Variants in ANKS1B observed in about 807,000 individuals in gnomAD.
ANKS1B encodes the protein ankyrin repeat and sterile alpha motif domain containing 1B, also known as ankyrin repeat and sterile alpha motif domain-containing protein 1B.
A neutral mutation model predicts 148.3 loss-of-function variants in ANKS1B; 36 were observed. The observed-to-expected ratio is 0.24, with a 90% CI of 0.19 to 0.32. The LOEUF (loss-of-function observed/expected upper bound fraction) is 0.32. Ranked by LOEUF, ANKS1B falls within the 10% of genes least tolerant of loss-of-function variation. The probability of loss-of-function intolerance (pLI) is 1.00; values close to 1 mark genes in which losing one functional copy is unlikely to be tolerated. For synonymous variants in ANKS1B, 542 were observed against 560.8 expected, an observed-to-expected ratio of 0.97 and a Z score of 0.47; for missense variants, 1,157 against 1,542.6, an observed-to-expected ratio of 0.75 and a Z score of 4.19.
At chr12:99,784,599 G>A (rs1472499099) in intron 4 of ANKS1B, among the ~76,000 whole-genome samples, 1 of 152,118 alleles carries the variant, frequency 6.6e-6, no homozygotes, top group Admixed American at 6.5e-5. Flanking sequence ...CCTACCACTA[G>A]TTAATTTTCA....
chr12:99,198,840 T>C (rs1404324316), intron 14 of ANKS1B, among the ~76,000 whole-genome samples: 1 of 152,144 alleles, frequency 6.6e-6, no homozygotes, highest in Non-Finnish European at 1.5e-5. Flanking sequence ...ACTGAATAGG[T>C]CTAACCTGTG....
chr12:98,800,690 A>ATATACATATATATATATATATATATG, intron 21 of ANKS1B, among the ~76,000 whole-genome samples: 1 of 137,918 alleles, frequency 7.3e-6, no homozygotes, highest in Non-Finnish European at 1.7e-5. Context: ...ATATATATAT[A>ATATACATATATATATATATATATATG]TGCCATATTT....
chr12:98,860,761 T>C (rs1462884417), intron 17 of ANKS1B, among the ~76,000 whole-genome samples: 4 of 152,136 alleles, frequency 2.6e-5, no homozygotes, highest in African/African-American at 4.8e-5. Context: ...AAACAGCTAA[T>C]GCATGTTGGG....
At chr12:99,644,786 A>G (rs1393535297) in intron 9 of ANKS1B, among the ~76,000 whole-genome samples, 1 of 152,216 alleles carries the variant, frequency 6.6e-6, no homozygotes, top group African/African-American at 2.4e-5. Context: ...TCTCTGGGCT[A>G]AAGTTAAGGT....
At chr12:99,551,151 A>G (rs2097213871) in intron 9 of ANKS1B, among the ~76,000 whole-genome samples, 3 of 152,172 alleles carry the variant, frequency 2.0e-5, no homozygotes, top group Admixed American at 1.3e-4. Flanking sequence ...TCAGTAGTGT[A>G]AACAAAACAC....
intron 9 of ANKS1B, among the ~76,000 whole-genome samples, chr12:99,639,404 C>T (rs2098278572): frequency 6.6e-6 from 1 of 152,046 alleles, no homozygotes. Context: ...TGAGTAAATG[C>T]TGAAATGAGT....
At chr12:98,891,111 T>C (rs1047782397) in intron 17 of ANKS1B, among the ~76,000 whole-genome samples, 13 of 152,156 alleles carry the variant, frequency 8.5e-5, no homozygotes, top group African/African-American at 2.9e-4. Context: ...TACAGAAAAA[T>C]TGTTTTGAGA....
intron 12 of ANKS1B, among the ~76,000 whole-genome samples, chr12:99,280,885 TCACA>T (rs1179465603): frequency 1.3e-5 from 2 of 149,936 alleles, no homozygotes; most frequent in African/African-American, 2.4e-5. Context: ...TCTCTCTCTC[TCACA>T]CACACACACA....
chr12:99,540,053 G>A (rs760515160), intron 9 of ANKS1B, among the ~76,000 whole-genome samples: 2 of 151,850 alleles, frequency 1.3e-5, no homozygotes, highest in Non-Finnish European at 2.9e-5. Context: ...GACAAAACTT[G>A]TCACTAGAGA....
intron 22 of ANKS1B, among the ~76,000 whole-genome samples, chr12:98,782,405 A>G (rs2098746399): frequency 2.0e-5 from 3 of 152,218 alleles, no homozygotes; most frequent in Non-Finnish European, 4.4e-5. Context: ...CTGACACACA[A>G]GAACCTTCCA....
At chr12:99,949,686 T>A (rs1025002199) in intron 1 of ANKS1B, among the ~76,000 whole-genome samples, 2 of 152,134 alleles carry the variant, frequency 1.3e-5, no homozygotes, top group African/African-American at 2.4e-5. Flanking sequence ...AAGAAAAAAG[T>A]CATCCCTCTG....
chr12:99,566,781 A>G (rs1179292030), intron 9 of ANKS1B, among the ~76,000 whole-genome samples: 1 of 152,148 alleles, frequency 6.6e-6, no homozygotes, highest in Non-Finnish European at 1.5e-5. Flanking sequence ...CTCCATAACC[A>G]TGAACTAAAT....
intron 9 of ANKS1B, among the ~76,000 whole-genome samples, chr12:99,516,924 T>C (rs1441190194): frequency 6.6e-6 from 1 of 152,164 alleles, no homozygotes; most frequent in African/African-American, 2.4e-5. Context: ...AGCTCTGTAG[T>C]ATAATTTGAA....
chr12:98,859,693 T>G (rs1462002423), intron 17 of ANKS1B, among the ~76,000 whole-genome samples: 2 of 152,236 alleles, frequency 1.3e-5, no homozygotes, highest in Non-Finnish European at 2.9e-5. Flanking sequence ...GAAACAACAT[T>G]TAAATCGATA....
At chr12:99,619,774 G>T (rs1031059721) in intron 9 of ANKS1B, among the ~76,000 whole-genome samples, 1 of 152,154 alleles carries the variant, frequency 6.6e-6, no homozygotes, top group South Asian at 2.1e-4. Context: ...GGGCTGAGGA[G>T]GTTTCCCAAC....
At chr12:99,869,901 C>T (rs771619793) in intron 1 of ANKS1B, among the ~76,000 whole-genome samples, 3 of 151,958 alleles carry the variant, frequency 2.0e-5, no homozygotes, top group Non-Finnish European at 4.4e-5. Flanking sequence ...GCAAAATTTT[C>T]TTTTTCTGTC....
chr12:99,566,473 A>G (rs2097395405), intron 9 of ANKS1B, among the ~76,000 whole-genome samples: 1 of 152,160 alleles, frequency 6.6e-6, no homozygotes, highest in Non-Finnish European at 1.5e-5. Flanking sequence ...GATTTCTACT[A>G]AGGGTCTGTT....
At chr12:99,684,368 CA>C (rs572669891) in intron 8 of ANKS1B, among the ~76,000 whole-genome samples, 1,624 of 82,484 alleles carry the variant, frequency 0.02, 10 homozygotes, top group African/African-American at 0.035. Flanking sequence ...ACAACAGCTG[CA>C]AAAAAAAAAA....
chr12:99,141,905 A>C (rs572228422), intron 15 of ANKS1B, among the ~76,000 whole-genome samples: 1 of 152,142 alleles, frequency 6.6e-6, no homozygotes, highest in African/African-American at 2.4e-5. Flanking sequence ...CCATGGAGCA[A>C]GTTTTTCCCA....
Sources: gnomAD v4.1 joint callset for allele counts (sites outside exome capture counted in the v4.1 genomes callset) on GRCh38, gnomAD v4.1.1 for gene constraint, MANE v1.5 for transcripts, NCBI Gene and HGNC (gene_info 2026-07-23, HGNC 2026-07-21) for gene names.